Variants in LOC128125817 observed in about 807,000 individuals in gnomAD.
chr1:41,592,638 C>G, the LOC128125817 span, among the ~76,000 whole-genome samples: 1 of 152,204 alleles, frequency 6.6e-6, no homozygotes, highest in Middle Eastern at 3.2e-3. Context: ...ACTGGCCCAC[C>G]ATCCTCTTGG....
chr1:41,605,962 G>GT, the LOC128125817 span, among the ~76,000 whole-genome samples: 1 of 152,226 alleles, frequency 6.6e-6, no homozygotes, highest in African/African-American at 2.4e-5. Flanking sequence ...TAGGACAGAT[G>GT]TGTTAGGATG....
the LOC128125817 span, among the ~76,000 whole-genome samples, chr1:41,595,582 G>A: frequency 2.6e-5 from 4 of 152,126 alleles, no homozygotes; most frequent in Non-Finnish European, 5.9e-5. Flanking sequence ...ACTCTAGGTG[G>A]GAGGCTTGTG....
At chr1:41,621,475 C>G in the LOC128125817 span, among the ~76,000 whole-genome samples, 1 of 152,234 alleles carries the variant, frequency 6.6e-6, no homozygotes, top group Non-Finnish European at 1.5e-5. Flanking sequence ...GTCCACTCCC[C>G]ACCCTGAGCT....
At chr1:41,595,610 T>C in the LOC128125817 span, among the ~76,000 whole-genome samples, 1 of 152,170 alleles carries the variant, frequency 6.6e-6, no homozygotes, top group Non-Finnish European at 1.5e-5. Flanking sequence ...ATATCGAATG[T>C]CAACTTGATT....
the LOC128125817 span, among the ~76,000 whole-genome samples, chr1:41,609,599 C>T: frequency 2.0e-5 from 3 of 152,368 alleles, no homozygotes; most frequent in Admixed American, 6.5e-5. Flanking sequence ...GTCTCCAATC[C>T]ATAATGACAC....
chr1:41,626,034 T>C, the LOC128125817 span, among the ~76,000 whole-genome samples: 1 of 152,252 alleles, frequency 6.6e-6, no homozygotes, highest in South Asian at 2.1e-4. Flanking sequence ...ATCTGTCCTC[T>C]AGCTTCTCAT....
At chr1:41,626,805 AC>A in the LOC128125817 span, among the ~76,000 whole-genome samples, 1 of 152,150 alleles carries the variant, frequency 6.6e-6, no homozygotes, top group Non-Finnish European at 1.5e-5. Context: ...GAACATGTGG[AC>A]ATTCCTGGGG....
chr1:41,612,066 C>T, the LOC128125817 span, among the ~76,000 whole-genome samples: 104 of 152,192 alleles, frequency 6.8e-4, 1 homozygote, highest in African/African-American at 2.4e-3. Flanking sequence ...CCACTCCTCC[C>T]GCCTCCCCAC....
At chr1:41,610,153 A>ATC in the LOC128125817 span, among the ~76,000 whole-genome samples, 15 of 152,008 alleles carry the variant, frequency 9.9e-5, no homozygotes. Context: ...ATTCCTTAAA[A>ATC]TCTCTCTCTC....
chr1:41,592,165 T>C, the LOC128125817 span, among the ~76,000 whole-genome samples: 1 of 152,120 alleles, frequency 6.6e-6, no homozygotes, highest in Admixed American at 6.5e-5. Context: ...TGGGGGTTGG[T>C]CTGTGGGTTT....
the LOC128125817 span, chr1:41,585,341 C>T: frequency 2.5e-6 from 1 of 398,942 alleles, no homozygotes; most frequent in Non-Finnish European, 4.4e-6. Context: ...TGTACACACA[C>T]ACAGAAATAC....
the LOC128125817 span, among the ~76,000 whole-genome samples, chr1:41,593,422 C>T: frequency 6.6e-6 from 1 of 152,160 alleles, no homozygotes; most frequent in Non-Finnish European, 1.5e-5. Context: ...CTCAGCCAGT[C>T]CCTTACTGAT....
chr1:41,597,952 C>G, the LOC128125817 span, among the ~76,000 whole-genome samples: 1 of 152,216 alleles, frequency 6.6e-6, no homozygotes, highest in African/African-American at 2.4e-5. Context: ...ATGTACATAG[C>G]TAGCTATCCA....
chr1:41,615,610 A>G, the LOC128125817 span, among the ~76,000 whole-genome samples: 1 of 152,212 alleles, frequency 6.6e-6, no homozygotes, highest in East Asian at 1.9e-4. Flanking sequence ...GAAACTCACC[A>G]AAAGAGTCTA....
At chr1:41,627,474 C>T in the LOC128125817 span, among the ~76,000 whole-genome samples, 5 of 152,122 alleles carry the variant, frequency 3.3e-5, no homozygotes, top group Non-Finnish European at 4.4e-5. Context: ...ATCCAGGGAA[C>T]GATTCCTTTA....
the LOC128125817 span, among the ~76,000 whole-genome samples, chr1:41,625,961 G>A: frequency 6.6e-6 from 1 of 152,170 alleles, no homozygotes; most frequent in Non-Finnish European, 1.5e-5. Flanking sequence ...GACTATAAAA[G>A]TTTGAAAACT....
At chr1:41,599,065 C>T in the LOC128125817 span, among the ~76,000 whole-genome samples, 3 of 152,126 alleles carry the variant, frequency 2.0e-5, no homozygotes, top group African/African-American at 2.4e-5. Context: ...GATCCACCCA[C>T]CTTGGCCTCC....
At chr1:41,592,133 G>A in the LOC128125817 span, among the ~76,000 whole-genome samples, 1 of 152,140 alleles carries the variant, frequency 6.6e-6, no homozygotes, top group Non-Finnish European at 1.5e-5. Context: ...TGCCTCCCTG[G>A]CTTGCTTTCT....
the LOC128125817 span, among the ~76,000 whole-genome samples, chr1:41,589,704 G>C: frequency 6.6e-6 from 1 of 152,190 alleles, no homozygotes; most frequent in African/African-American, 2.4e-5. Context: ...GTCAAAGTTA[G>C]ATAAGGCTGG....
Sources: gnomAD v4.1 joint callset for allele counts (sites outside exome capture counted in the v4.1 genomes callset) on GRCh38, gnomAD v4.1.1 for gene constraint, MANE v1.5 for transcripts.